Variants in PDXDC1 observed in about 807,000 individuals in gnomAD.
PDXDC1 encodes pyridoxal dependent decarboxylase domain containing 1.
A neutral mutation model predicts 100.1 loss-of-function variants in PDXDC1; 42 were observed. That is an observed-to-expected ratio of 0.42 (90% CI 0.33 to 0.54). The LOEUF (loss-of-function observed/expected upper bound fraction) is 0.54. PDXDC1 is among the 20% of genes least tolerant of loss of function. The pLI is 0.10. For synonymous variants in PDXDC1, 260 were observed against 371.7 expected, an observed-to-expected ratio of 0.70 and a Z score of 3.46; for missense variants, 636 against 979.2, an observed-to-expected ratio of 0.65 and a Z score of 4.68.
intron 16 of PDXDC1, chr16:15,132,610 G>C (rs1373221704): frequency 1.3e-6 from 1 of 784,460 alleles, no homozygotes; most frequent in Admixed American, 2.0e-5. Flanking sequence ...GCATGAAGGA[G>C]CCCAGGCTGG....
chr16:15,075,762 C>CCT (rs1343707977), intron 16 of PDXDC1, among the ~76,000 whole-genome samples: 1 of 152,126 alleles, frequency 6.6e-6, no homozygotes, highest in Non-Finnish European at 1.5e-5. Flanking sequence ...ATGCCCCCTA[C>CCT]CTCTGCTCCT....
intron 16 of PDXDC1, among the ~76,000 whole-genome samples, chr16:15,098,393 G>A (rs2046431305): frequency 6.6e-6 from 1 of 151,506 alleles, no homozygotes; most frequent in Non-Finnish European, 1.5e-5. Context: ...TAGAGATGGG[G>A]TTTCTCCATG....
At chr16:15,084,349 G>A (rs1351508702) in intron 16 of PDXDC1, among the ~76,000 whole-genome samples, 1 of 152,106 alleles carries the variant, frequency 6.6e-6, no homozygotes, top group Non-Finnish European at 1.5e-5. Context: ...ACACCCAGGG[G>A]TTTCTCACTG....
chr16:15,047,618 C>T lies in PDXDC1; in HGVS notation c.1399+17562C>T, dbSNP rs78935035. The T allele has an allele frequency of 2.3e-3, 2,695 of 1,169,588 alleles. 49 individuals are homozygous for T. In the African/African-American group the frequency reaches 0.031, roughly 14 times the overall value. 72.5% of individuals were successfully genotyped at this position (1,169,588 alleles called of 1,614,324 possible). ...GAGTGCAGTGCGCAGGCCGAGACTC[C>T]GCCTGTCCCTCCGGACCGCCTCATC... is the stretch of plus-strand genomic sequence containing the variant. On this transcript the variant is annotated intron_variant, in intron 16 of 16. Transcript: ENST00000535621.
rs374473882 is a variant in PDXDC1 at position 14,996,950 on chromosome 16, C to G, written c.22-803C>G. Among the ~76,000 whole-genome samples, 143 of 152,374 alleles carry G rather than the reference C, an allele frequency of 9.4e-4. No individual in the cohort carries two copies. The East Asian group carries it at 0.014, about 15-fold the overall frequency. ...ACTTTGTTATCATAAGTGATCTTAC[C>G]AAAGACCAAGTTGTCCAGTTGCCTT... On this transcript the variant is annotated intron_variant, in intron 1 of 22. Coordinates refer to ENST00000396410, the MANE Select transcript of PDXDC1 (RefSeq NM_015027.4).
intron 16 of PDXDC1, chr16:15,083,672 G>C (rs2045796124): frequency 6.4e-7 from 1 of 1,560,152 alleles, no homozygotes; most frequent in Non-Finnish European, 8.7e-7. Context: ...AGCAAATATT[G>C]ATAGACATAG....
chr16:15,068,988 T>A (rs1407887534), intron 16 of PDXDC1, among the ~76,000 whole-genome samples: 1 of 152,170 alleles, frequency 6.6e-6, no homozygotes. Context: ...TAATCCAGAT[T>A]CCTGGCATTA....
chr16:15,009,973 A>G (rs1176436180), intron 8 of PDXDC1, among the ~76,000 whole-genome samples: 1 of 152,292 alleles, frequency 6.6e-6, no homozygotes, highest in Non-Finnish European at 1.5e-5. Context: ...ATGTGTGTGT[A>G]TACTTTTTCA....
chr16:15,124,817 T>A (rs1027974989), intron 16 of PDXDC1, among the ~76,000 whole-genome samples: 2 of 150,718 alleles, frequency 1.3e-5, no homozygotes, highest in African/African-American at 4.9e-5. Flanking sequence ...AACAAAAGTA[T>A]GGAATTCAAT....
At chr16:15,117,777 T>A (rs1361016449) in intron 16 of PDXDC1, among the ~76,000 whole-genome samples, 1 of 90,054 alleles carries the variant, frequency 1.1e-5, no homozygotes, top group Non-Finnish European at 2.2e-5. Flanking sequence ...GCATAGAGAA[T>A]GTTAAATGTG....
chr16:15,080,431 C>T (rs553607651), intron 16 of PDXDC1, among the ~76,000 whole-genome samples: 2 of 152,220 alleles, frequency 1.3e-5, no homozygotes, highest in South Asian at 4.2e-4. Flanking sequence ...TAATCAATTT[C>T]AGAACATTTA....
chr16:15,124,911 G>A (rs1598191982), intron 16 of PDXDC1, among the ~76,000 whole-genome samples: 1 of 151,960 alleles, frequency 6.6e-6, no homozygotes, highest in African/African-American at 2.4e-5. Context: ...CACTTTGGGA[G>A]GCTGAGGCAG....
chr16:15,056,553 A>C (rs1354347051), intron 16 of PDXDC1, among the ~76,000 whole-genome samples: 1 of 152,066 alleles, frequency 6.6e-6, no homozygotes, highest in East Asian at 1.9e-4. Context: ...AGGCAGGAGG[A>C]TCGCTTGAGG....
At chr16:15,060,661 G>GA (rs2044677613) in intron 16 of PDXDC1, 1 of 152,398 alleles carries the variant, frequency 6.6e-6, no homozygotes. Flanking sequence ...GAGGTCTTCT[G>GA]AAGACTTCCT....
intron 1 of PDXDC1, among the ~76,000 whole-genome samples, chr16:14,995,795 C>G (rs1971840171): frequency 6.6e-6 from 1 of 152,282 alleles, no homozygotes; most frequent in Non-Finnish European, 1.5e-5. Flanking sequence ...TTGGTAAGCT[C>G]TTAATTATTG....
At chr16:15,147,977 G>A in the PDXDC1 span, among the ~76,000 whole-genome samples, 1 of 151,626 alleles carries the variant, frequency 6.6e-6, no homozygotes, top group Non-Finnish European at 1.5e-5. Flanking sequence ...GAACCACCGC[G>A]CCCACCCTGT....
At chr16:15,059,296 C>T (rs192288865) in intron 16 of PDXDC1, among the ~76,000 whole-genome samples, 2 of 152,240 alleles carry the variant, frequency 1.3e-5, no homozygotes, top group Non-Finnish European at 1.5e-5. Context: ...AAGGGAAACA[C>T]GCTGGTTCCT....
chr16:14,993,963 A>C (rs368824760), intron 1 of PDXDC1, among the ~76,000 whole-genome samples: 1 of 152,284 alleles, frequency 6.6e-6, no homozygotes, highest in Non-Finnish European at 1.5e-5. Flanking sequence ...GTCTGTTCAT[A>C]TCCTTCGCCC....
At chr16:15,143,535 C>A (rs2048507185), downstream of PDXDC1, among the ~76,000 whole-genome samples, 1 of 152,198 alleles carries the variant, frequency 6.6e-6, no homozygotes, top group Non-Finnish European at 1.5e-5. Context: ...GTGTTCCCAG[C>A]CAGGCGCTGG....
Sources: allele counts gnomAD v4.1 joint callset (sites outside exome capture counted in the v4.1 genomes callset), GRCh38; gene constraint gnomAD v4.1.1; transcripts MANE v1.5; gene names NCBI Gene and HGNC (gene_info 2026-07-23, HGNC 2026-07-21).